MORC3: variants seen among roughly 807,000 people sequenced by gnomAD.
MORC3 encodes the protein MORC family CW-type zinc finger protein 3.
Under a neutral mutation model 109.1 loss-of-function variants are expected in MORC3, and 31 were observed. The observed-to-expected ratio is 0.28, with a 90% confidence interval of 0.21 to 0.38. The LOEUF (loss-of-function observed/expected upper bound fraction) is 0.38, where lower values mean the gene tolerates loss of function less well. Ranked by LOEUF, MORC3 falls within the 10% of genes least tolerant of loss-of-function variation. MORC3 has a pLI of 1.00. For missense variants in MORC3, 867 were observed against 1,135.8 expected (o/e 0.76, Z 3.40); for synonymous variants, 395 against 380.7 (o/e 1.04, Z -0.44).
At chr21:36,328,126 C>T (rs145554478) in intron 1 of MORC3, among the ~76,000 whole-genome samples, 7,925 of 152,032 alleles carry the variant, frequency 0.052, 274 homozygotes, top group Middle Eastern at 0.11. Flanking sequence ...ATCCACCTGC[C>T]GCGGCCTCCC....
intron 14 of MORC3, among the ~76,000 whole-genome samples, chr21:36,364,584 GGAGGCT>G (rs200196637): frequency 4.0e-5 from 6 of 151,578 alleles, no homozygotes; most frequent in Admixed American, 1.3e-4. Flanking sequence ...CTCCAGAGGC[GGAGGCT>G]GAGGCTGAGG....
chr21:36,368,687 G>A (rs2085809375), intron 14 of MORC3, among the ~76,000 whole-genome samples: 1 of 152,124 alleles, frequency 6.6e-6, no homozygotes, highest in South Asian at 2.1e-4. Context: ...GACCAGCCTG[G>A]GCAACATGGG....
rs2085291341 is a variant in MORC3 at position 36,329,634 on chromosome 21, C to T, written c.40-4012C>T. On this transcript the variant is annotated intron_variant, in intron 1 of 16. Coordinates refer to ENST00000400485, the MANE Select transcript of MORC3 (RefSeq NM_015358.3). ...TCCTTCTCAGCCAGGGCACTCTTAA[C>T]ATTTAATCTGAAAGACTAGTTCAGG... Among the ~76,000 whole-genome samples the T allele has an allele frequency of 2.0e-5, 3 of 152,286 alleles. No individual in the cohort carries two copies. The South Asian group carries it at 6.2e-4, about 32-fold the overall frequency.
intron 1 of MORC3, among the ~76,000 whole-genome samples, chr21:36,327,142 A>T (rs565791898): frequency 2.2e-5 from 3 of 136,984 alleles, no homozygotes; most frequent in Admixed American, 7.8e-5. Context: ...AAAGATATTA[A>T]TTGGCTTTAT....
At chr21:36,323,249 GTGAC>G (rs1361076409) in intron 1 of MORC3, among the ~76,000 whole-genome samples, 1 of 152,054 alleles carries the variant, frequency 6.6e-6, no homozygotes, top group African/African-American at 2.4e-5. Context: ...ATGTAGCTTA[GTGAC>G]TGCCATTCTG....
intron 6 of MORC3, among the ~76,000 whole-genome samples, chr21:36,342,603 C>G (rs2085461739): frequency 6.6e-6 from 1 of 152,068 alleles, no homozygotes; most frequent in Admixed American, 6.5e-5. Flanking sequence ...GATGTTTCAC[C>G]AAGTTGTCCA....
chr21:36,354,350 G>C (rs1010131031), intron 9 of MORC3, among the ~76,000 whole-genome samples: 2 of 124,490 alleles, frequency 1.6e-5, no homozygotes, highest in African/African-American at 6.0e-5. Flanking sequence ...TTGAGATGGA[G>C]TCTCGCTCTG....
At position 36,375,440 on chromosome 21, in the gene MORC3, T is replaced by G. The variant is rs2146349133; in HGVS notation, c.*144T>G. The stretch of plus-strand genomic sequence containing the variant: ...CTGTATTCTATGCATTCAAATGTGG[T>G]CACAAATATTGTGGACACATTATCT... On this transcript the variant is annotated 3_prime_UTR_variant, in exon 17 of 17. Coordinates refer to ENST00000400485, the MANE Select transcript of MORC3 (RefSeq NM_015358.3). The G allele has an allele frequency of 1.4e-6, 1 of 712,840 alleles. No individual in the cohort carries two copies. Among genetic ancestry groups the G allele is most frequent in the Non-Finnish European group, 2.2e-6 (1 of 455,754 alleles). The allele number at this position is 712,840 out of a possible 1,614,324, so 44.2% of individuals were successfully genotyped here. A position where few individuals can be genotyped will look rare whatever the true frequency, so the allele number is the denominator to read the frequency against.
chr21:36,353,755 A>ATTTTTTTTTTGTTTTTTTTTTTT (rs2085605382), intron 9 of MORC3, among the ~76,000 whole-genome samples: 1 of 71,012 alleles, frequency 1.4e-5, no homozygotes, highest in Non-Finnish European at 2.3e-5. Context: ...TAATTTTTGT[A>ATTTTTTTTTTGTTTTTTTTTTTT]TTTTTTTTTT....
chr21:36,329,105 C>T (rs2085283538), intron 1 of MORC3, among the ~76,000 whole-genome samples: 3 of 151,930 alleles, frequency 2.0e-5, no homozygotes, highest in South Asian at 2.1e-4. Context: ...CCAGCGTGGC[C>T]AGCATGGTGA....
Position 36,375,443 on chromosome 21 carries a change from C to T in MORC3, c.*147C>T, listed in dbSNP as rs977477419. ...TATTCTATGCATTCAAATGTGGTCA[C>T]AAATATTGTGGACACATTATCTTAT... On this transcript the variant is annotated 3_prime_UTR_variant, in exon 17 of 17. Coordinates refer to ENST00000400485, the MANE Select transcript of MORC3 (RefSeq NM_015358.3). 2 of 696,894 alleles carry T rather than the reference C, an allele frequency of 2.9e-6. No individual in the cohort carries two copies. Among genetic ancestry groups the T allele is most frequent in the African/African-American group, 1.8e-5 (1 of 54,738 alleles). 43.2% of individuals were successfully genotyped at this position (696,894 alleles called of 1,614,324 possible). A position where few individuals can be genotyped will look rare whatever the true frequency, so the allele number is the denominator to read the frequency against.
chr21:36,338,444 T>C (rs2085397339), intron 4 of MORC3, among the ~76,000 whole-genome samples: 2 of 152,016 alleles, frequency 1.3e-5, no homozygotes, highest in Non-Finnish European at 1.5e-5. Flanking sequence ...TTCCACCACT[T>C]TGGGAGGCCA....
rs374973537 is a variant in MORC3 at position 36,321,571 on chromosome 21, A to C, written c.39+1268A>C. ...TTCTTTTTTTTTTTTTTAACCACTGAGTGTAAACATTAATTATTCCCCACT... is the reference window on the plus strand; with the variant it reads ...TTCTTTTTTTTTTTTTTAACCACTGCGTGTAAACATTAATTATTCCCCACT... On this transcript the variant is annotated intron_variant, in intron 1 of 16. Coordinates refer to ENST00000400485, the MANE Select transcript of MORC3 (RefSeq NM_015358.3). Among the ~76,000 whole-genome samples the C allele has an allele frequency of 9.1e-4, 136 of 150,236 alleles. 1 individual carries two copies. The East Asian group carries it at 0.024, about 27-fold the overall frequency.
At chr21:36,320,498 G>C (rs1257843588) in intron 1 of MORC3, 195 bp downstream of exon 1, 4 of 440,286 alleles carry the variant, frequency 9.1e-6, no homozygotes, top group Non-Finnish European at 1.4e-5. Flanking sequence ...GCGTTCCGTC[G>C]CCTCTGCATT....
intron 1 of MORC3, 91 bp downstream of exon 1, chr21:36,320,394 G>A: frequency 8.3e-7 from 1 of 1,202,400 alleles, no homozygotes; most frequent in Non-Finnish European, 1.0e-6. Context: ...GGCGGCTTGT[G>A]GGGCCGACGC....
chr21:36,366,756 A>G (rs760709675), intron 14 of MORC3, among the ~76,000 whole-genome samples: 10 of 152,222 alleles, frequency 6.6e-5, no homozygotes, highest in African/African-American at 2.4e-4. Flanking sequence ...TGCCCGGCCT[A>G]TTAAACAGTT....
chr21:36,357,647 CAAG>C (rs1053199300), intron 10 of MORC3, among the ~76,000 whole-genome samples: 3 of 151,096 alleles, frequency 2.0e-5, no homozygotes, highest in Non-Finnish European at 4.4e-5. Context: ...TTTCCTGAGA[CAAG>C]GAGTTTATAA....
At chr21:36,373,201 G>A (rs1380774674) in intron 16 of MORC3, among the ~76,000 whole-genome samples, 6 of 151,102 alleles carry the variant, frequency 4.0e-5, no homozygotes, top group African/African-American at 7.3e-5. Flanking sequence ...TTAGCCGGGC[G>A]TGGTGGCAGG....
At chr21:36,366,901 C>T (rs1192528885) in intron 14 of MORC3, among the ~76,000 whole-genome samples, 1 of 152,104 alleles carries the variant, frequency 6.6e-6, no homozygotes, top group Non-Finnish European at 1.5e-5. Flanking sequence ...GCAGAGTAAG[C>T]AAGAAGTACT....
Sources: gnomAD v4.1 joint callset for allele counts (sites outside exome capture counted in the v4.1 genomes callset) on GRCh38, gnomAD v4.1.1 for gene constraint, MANE v1.5 for transcripts, NCBI Gene and HGNC (gene_info 2026-07-23, HGNC 2026-07-21) for gene names.